SMYD3: variants seen among roughly 807,000 people sequenced by gnomAD.
SMYD3 encodes histone-lysine N-methyltransferase SMYD3.
A neutral mutation model predicts 57.7 loss-of-function variants in SMYD3; 36 were observed. The observed-to-expected ratio is 0.62, with a 90% CI of 0.48 to 0.82. The LOEUF (loss-of-function observed/expected upper bound fraction) is 0.82, where lower values mean the gene tolerates loss of function less well. SMYD3 is among the 40% of genes least tolerant of loss of function. The probability of loss-of-function intolerance (pLI) is 0.00; values close to 1 mark genes in which losing one functional copy is unlikely to be tolerated. For synonymous variants in SMYD3, 211 were observed against 195.0 expected (o/e 1.08, Z -0.68); for missense variants, 515 against 538.8 (o/e 0.96, Z 0.44).
At chr1:246,114,887 C>T (rs1442560012) in intron 5 of SMYD3, among the ~76,000 whole-genome samples, 1 of 128,268 alleles carries the variant, frequency 7.8e-6, no homozygotes, top group African/African-American at 2.5e-5. Flanking sequence ...ACCTCGGCCT[C>T]CCAAAGTACT....
intron 5 of SMYD3, among the ~76,000 whole-genome samples, chr1:246,100,027 C>G (rs1012623628): frequency 6.6e-6 from 1 of 152,170 alleles, no homozygotes; most frequent in African/African-American, 2.4e-5. Flanking sequence ...ATTCACTCTT[C>G]TTAATTGTTT....
At chr1:246,182,633 G>A (rs1233136859) in intron 5 of SMYD3, among the ~76,000 whole-genome samples, 1 of 152,150 alleles carries the variant, frequency 6.6e-6, no homozygotes, top group Non-Finnish European at 1.5e-5. Flanking sequence ...AAACAGTTAG[G>A]TGCACTTTGT....
chr1:246,417,794 C>T (rs1473760846), intron 1 of SMYD3, among the ~76,000 whole-genome samples: 1 of 152,164 alleles, frequency 6.6e-6, no homozygotes, highest in East Asian at 1.9e-4. Context: ...TAATTCTAAT[C>T]TTATTGACTT....
intron 3 of SMYD3, among the ~76,000 whole-genome samples, chr1:246,332,854 G>A (rs1178968765): frequency 6.6e-6 from 1 of 152,192 alleles, no homozygotes; most frequent in East Asian, 1.9e-4. Context: ...AGGTGAAGCA[G>A]CAAGTGCTGA....
chr1:245,930,924 A>T (rs930238218), intron 5 of SMYD3: 1 of 152,224 alleles, frequency 6.6e-6, no homozygotes, highest in Non-Finnish European at 1.5e-5. Context: ...GGACTGCTGA[A>T]ATGAACGTGT....
intron 5 of SMYD3, among the ~76,000 whole-genome samples, chr1:245,934,776 C>A (rs6426338): frequency 6.6e-6 from 1 of 152,028 alleles, no homozygotes; most frequent in Non-Finnish European, 1.5e-5. Context: ...AAAAAAAATC[C>A]ATAATAGAAA....
chr1:245,909,677 T>C (rs1040359634), intron 8 of SMYD3, among the ~76,000 whole-genome samples: 1 of 151,610 alleles, frequency 6.6e-6, no homozygotes, highest in Admixed American at 6.6e-5. Context: ...TCAATAAAGG[T>C]GATACATCAC....
chr1:245,878,194 G>C (rs1313986118), intron 8 of SMYD3, among the ~76,000 whole-genome samples: 1 of 152,200 alleles, frequency 6.6e-6, no homozygotes, highest in African/African-American at 2.4e-5. Context: ...GGGTCATTAA[G>C]TGTGCAGATG....
intron 5 of SMYD3, among the ~76,000 whole-genome samples, chr1:246,270,409 C>T (rs750348485): frequency 6.6e-6 from 1 of 152,184 alleles, no homozygotes; most frequent in Admixed American, 6.5e-5. Context: ...TCACCACCAT[C>T]CATCTCTGTA....
At chr1:246,398,505 A>G (rs2066712880) in intron 1 of SMYD3, among the ~76,000 whole-genome samples, 1 of 152,248 alleles carries the variant, frequency 6.6e-6, no homozygotes, top group Non-Finnish European at 1.5e-5. Context: ...GATGTACAAC[A>G]TGCAGTGGTG....
intron 5 of SMYD3, among the ~76,000 whole-genome samples, chr1:246,294,434 T>C (rs184849387): frequency 8.6e-4 from 131 of 152,332 alleles, no homozygotes; most frequent in Middle Eastern, 6.8e-3. Context: ...TAAGTGTTCA[T>C]TTAGTCAACA....
In SMYD3 at chr1:245,775,020, C is replaced by T. The variant is rs566125196; in HGVS notation, c.1077-10871G>A. Among the ~76,000 whole-genome samples the T allele has an allele frequency of 7.9e-5, 12 of 152,254 alleles. No individual in the cohort carries two copies. In the East Asian group the frequency reaches 2.3e-3, roughly 30 times the overall value. ...CACTCAGTGGTCAATGGTGCCCAGG[C>T]TGGAGTGCAGTGGCGTGATCTCGGC... On this transcript the variant is annotated intron_variant, in intron 10 of 11. Coordinates refer to ENST00000490107, the MANE Select transcript of SMYD3 (RefSeq NM_001167740.2).
chr1:245,777,374 T>C (rs1385839530), intron 10 of SMYD3, among the ~76,000 whole-genome samples: 1 of 152,196 alleles, frequency 6.6e-6, no homozygotes, highest in Non-Finnish European at 1.5e-5. Context: ...GCATCAGAAA[T>C]TGATCTAAGG....
chr1:246,249,400 G>A (rs2063763823), intron 5 of SMYD3, among the ~76,000 whole-genome samples: 1 of 152,042 alleles, frequency 6.6e-6, no homozygotes, highest in African/African-American at 2.4e-5. Context: ...CACCGTACCT[G>A]GCCTGATTAT....
chr1:246,001,631 A>G (rs1487551583), intron 5 of SMYD3, among the ~76,000 whole-genome samples: 2 of 152,252 alleles, frequency 1.3e-5, no homozygotes, highest in Admixed American at 6.5e-5. Flanking sequence ...TCCTATACAT[A>G]AATGACTAAC....
intron 5 of SMYD3, among the ~76,000 whole-genome samples, chr1:246,148,318 T>C (rs2061889384): frequency 6.6e-6 from 1 of 152,078 alleles, no homozygotes; most frequent in Non-Finnish European, 1.5e-5. Flanking sequence ...CCTGCAGAGA[T>C]GTCTGAACGG....
chr1:246,259,342 T>C (rs2063957298), intron 5 of SMYD3, among the ~76,000 whole-genome samples: 1 of 152,242 alleles, frequency 6.6e-6, no homozygotes, highest in Non-Finnish European at 1.5e-5. Flanking sequence ...CTAGCACTTC[T>C]AATTTTTGTA....
At chr1:246,185,837 T>A (rs1055270322) in intron 5 of SMYD3, among the ~76,000 whole-genome samples, 5 of 152,164 alleles carry the variant, frequency 3.3e-5, no homozygotes, top group Non-Finnish European at 7.4e-5. Flanking sequence ...ATGCTAAAAA[T>A]GCCAAAAAGA....
intron 1 of SMYD3, among the ~76,000 whole-genome samples, chr1:246,466,997 A>G (rs981784284): frequency 6.6e-6 from 1 of 151,288 alleles, no homozygotes; most frequent in Non-Finnish European, 1.5e-5. Context: ...GCAAAACCTC[A>G]TCTCTACTAA....
Sources: gnomAD v4.1 joint callset for allele counts (sites outside exome capture counted in the v4.1 genomes callset) on GRCh38, gnomAD v4.1.1 for gene constraint, MANE v1.5 for transcripts, NCBI Gene and HGNC (gene_info 2026-07-23, HGNC 2026-07-21) for gene names.